The following NDNF variants were observed in gnomAD, a reference collection of about 807,000 sequenced individuals.
The protein encoded by NDNF is protein NDNF.
NDNF carries 16 observed loss-of-function variants against 42.0 expected under a neutral mutation model. That is an observed-to-expected ratio of 0.38 (90% confidence interval 0.26 to 0.58). The LOEUF is 0.58. NDNF is among the 20% of genes least tolerant of loss of function. The pLI is 0.67. For synonymous variants in NDNF, 248 were observed against 251.7 expected (o/e 0.99, Z 0.14); for missense variants, 616 against 666.2 (o/e 0.92, Z 0.83).
intron 2 of NDNF, 90 bp downstream of exon 2, chr4:121,045,560 A>G: frequency 8.8e-7 from 1 of 1,130,050 alleles, no homozygotes. Flanking sequence ...TTGATTTGTA[A>G]ATTACCTAAA....
intron 1 of NDNF, among the ~76,000 whole-genome samples, chr4:121,051,215 G>A (rs1046304537): frequency 1.3e-5 from 2 of 152,068 alleles, no homozygotes; most frequent in Non-Finnish European, 2.9e-5. Context: ...TTAGGACTAT[G>A]GTGATGGGAA....
intron 3 of NDNF, among the ~76,000 whole-genome samples, chr4:121,039,357 A>G (rs1290284577): frequency 6.7e-6 from 1 of 150,264 alleles, no homozygotes; most frequent in Non-Finnish European, 1.5e-5. Flanking sequence ...TTTCTCTTTT[A>G]TTTTATTTGC....
rs544458763 is a variant in NDNF, at chr4:121,052,512, T to C, written c.-1-6674A>G. Among the ~76,000 whole-genome samples, 5 of 152,350 alleles carry C rather than the reference T, an allele frequency of 3.3e-5. No individual in the cohort carries two copies. The South Asian group carries it at 8.3e-4, about 25-fold the overall frequency. ...TTCCTTTCTAAATGCAAATATTTAG[T>C]CTTTTAAATTTCTATTTTCAAACTC... On this transcript the variant is annotated intron_variant, in intron 1 of 3. Coordinates refer to ENST00000379692, the MANE Select transcript of NDNF (RefSeq NM_024574.4).
chr4:121,066,537 C>G (rs1367621626), intron 1 of NDNF, among the ~76,000 whole-genome samples: 1 of 152,188 alleles, frequency 6.6e-6, no homozygotes, highest in African/African-American at 2.4e-5. Context: ...CCCTAACTGT[C>G]TGCCAACAGT....
chr4:121,037,629 C>T lies in NDNF; in HGVS notation c.342G>A (p.Lys114=), dbSNP rs778242722. The T allele has an allele frequency of 3.1e-5, 50 of 1,591,624 alleles. No individual in the cohort carries two copies. The highest frequency in any genetic ancestry group is 4.1e-5 in the Non-Finnish European group (48 of 1,173,406). Residue 114 remains lysine (K), a synonymous_variant, in exon 4 of 4, where the codon AAG becomes AAA. Coordinates refer to ENST00000379692, the MANE Select transcript of NDNF (RefSeq NM_024574.4). ...SGDLEPLEQQ[K]QQIINEEGTE... ...TGCCTTCCTCATTAATGATCTGCTG[C>T]TTCTGCTGCTCAAGAGGTTCCAGAT...
At position 121,062,658 on chromosome 4, in the gene NDNF, C is replaced by T. The variant is rs13137605; in HGVS notation, c.-2+9335G>A. Among the ~76,000 whole-genome samples, 67 of 152,158 alleles carry T rather than the reference C, an allele frequency of 4.4e-4. No homozygotes were observed. In the Middle Eastern group the frequency reaches 0.01, roughly 23 times the overall value. On this transcript the variant is annotated intron_variant, in intron 1 of 3. Transcript: ENST00000379692. ...CCCACAATTATGTAATCCTTTCCCC[C>T]CCAAGGAAGTAAGATACACAGTTAG...
intron 3 of NDNF, among the ~76,000 whole-genome samples, chr4:121,039,344 T>C (rs1212076419): frequency 6.6e-6 from 1 of 150,744 alleles, no homozygotes; most frequent in Non-Finnish European, 1.5e-5. Flanking sequence ...CAAACTCTTC[T>C]CATTTCTCTT....
intron 1 of NDNF, among the ~76,000 whole-genome samples, chr4:121,050,435 T>C (rs2148767000): frequency 6.6e-6 from 1 of 152,308 alleles, no homozygotes; most frequent in East Asian, 1.9e-4. Flanking sequence ...CAATCAGAGT[T>C]TCACTTTAAG....
At chr4:121,059,436 T>G (rs1727362748) in intron 1 of NDNF, among the ~76,000 whole-genome samples, 1 of 152,194 alleles carries the variant, frequency 6.6e-6, no homozygotes. Flanking sequence ...ATTTTATGGG[T>G]GCTAAACTTA....
At chr4:121,043,758 G>A (rs538804835) in intron 2 of NDNF, among the ~76,000 whole-genome samples, 1 of 152,294 alleles carries the variant, frequency 6.6e-6, no homozygotes, top group South Asian at 2.1e-4. Flanking sequence ...AGAAGGCAGT[G>A]CCCAAGTGCA....
Position 121,039,991 on chromosome 4 carries a change from CGCATCACAGG to C in NDNF, c.242_251del (p.Pro81ArgfsTer7). On this transcript the variant is annotated frameshift_variant, in exon 3 of 4. Transcript: ENST00000379692. LOFTEE classifies it high-confidence loss of function. The stretch of plus-strand genomic sequence containing the variant: ...GGAGGCTCAGCTTCCACTCCAAAGG[CGCATCACAGG>C]GCGTCACTGTGACTGATAATGGAGT... 1 of 1,614,030 alleles carries C rather than the reference CGCATCACAGG, an allele frequency of 6.2e-7. No individual in the cohort carries two copies. Among genetic ancestry groups the C allele is most frequent in the Non-Finnish European group, 8.5e-7 (1 of 1,179,950 alleles).
At chr4:121,045,510 T>A (rs2148765364) in intron 2 of NDNF, 140 bp downstream of exon 2, 1 of 650,792 alleles carries the variant, frequency 1.5e-6, no homozygotes, top group East Asian at 2.7e-5. Context: ...ACTGCCATGT[T>A]CCCCCTTACT....
chr4:121,063,334 A>T (rs1727445645), intron 1 of NDNF, among the ~76,000 whole-genome samples: 1 of 152,172 alleles, frequency 6.6e-6, no homozygotes, highest in South Asian at 2.1e-4. Context: ...TTCTAATCCC[A>T]AATTTTCTTA....
chr4:121,051,294 T>C (rs1727189919), intron 1 of NDNF, among the ~76,000 whole-genome samples: 1 of 152,180 alleles, frequency 6.6e-6, no homozygotes, highest in Non-Finnish European at 1.5e-5. Context: ...AGCGTTTTTA[T>C]TGTTCTGCAA....
intron 1 of NDNF, among the ~76,000 whole-genome samples, chr4:121,059,130 T>A (rs1354340262): frequency 6.6e-6 from 1 of 152,178 alleles, no homozygotes; most frequent in Non-Finnish European, 1.5e-5. Flanking sequence ...GACAGAAAAA[T>A]TTGGCTGTGC....
chr4:121,067,041 T>G (rs1246118369), intron 1 of NDNF, among the ~76,000 whole-genome samples: 1 of 152,224 alleles, frequency 6.6e-6, no homozygotes, highest in Admixed American at 6.5e-5. Flanking sequence ...TGTGAATTGT[T>G]TTTATAATTT....
chr4:121,055,761 A>C (rs935278477), intron 1 of NDNF, among the ~76,000 whole-genome samples: 1 of 152,192 alleles, frequency 6.6e-6, no homozygotes, highest in African/African-American at 2.4e-5. Context: ...CGCCAGATAC[A>C]TGGATGGTTG....
chr4:121,036,932 C>A lies in NDNF; in HGVS notation c.1039G>T (p.Asp347Tyr). 6.2e-7 allele frequency: 1 copy of A among 1,613,918 alleles called. No individual in the cohort carries two copies. Among genetic ancestry groups the A allele is most frequent in the Non-Finnish European group, 8.5e-7 (1 of 1,180,000 alleles). Reference sequence around the variant, plus strand: ...ACAAATACATCTGTTATCTTCCCATCTTTTAGCTCGACTGTCTTCTGTTTG... The same window carrying A: ...ACAAATACATCTGTTATCTTCCCATATTTTAGCTCGACTGTCTTCTGTTTG... ...EAKQKTVELK[D>Y]GKITDVFVKR... The change falls in exon 4 of 4, where the codon GAT becomes TAT. Residue 347 changes from aspartate (D) to tyrosine (Y), a missense_variant. Coordinates refer to ENST00000379692, the MANE Select transcript of NDNF (RefSeq NM_024574.4).
intron 1 of NDNF, among the ~76,000 whole-genome samples, chr4:121,070,711 ACT>A (rs1727576793): frequency 6.6e-6 from 1 of 152,164 alleles, no homozygotes; most frequent in African/African-American, 2.4e-5. Flanking sequence ...GCTAAAAAGA[ACT>A]CTGTAAATAA....
Sources: gnomAD v4.1 joint callset for allele counts (sites outside exome capture counted in the v4.1 genomes callset) on GRCh38, gnomAD v4.1.1 for gene constraint, MANE v1.5 for transcripts, NCBI Gene and HGNC (gene_info 2026-07-23, HGNC 2026-07-21) for gene names.